KLHL29: variants seen among roughly 807,000 people sequenced by gnomAD.
The protein encoded by KLHL29 is kelch like family member 29.
KLHL29 carries 21 observed loss-of-function variants against 80.4 expected under a neutral mutation model. That is an observed-to-expected ratio of 0.26 (90% confidence interval 0.19 to 0.38). KLHL29 has a LOEUF of 0.38. Ranked by LOEUF, KLHL29 falls within the 10% of genes least tolerant of loss-of-function variation. KLHL29 has a pLI of 1.00. For synonymous variants in KLHL29, 511 were observed against 526.8 expected (o/e 0.97, Z 0.41); for missense variants, 867 against 1,223.9 (o/e 0.71, Z 4.35).
chr2:23,662,057 A>G (rs1670423398), intron 5 of KLHL29, among the ~76,000 whole-genome samples: 1 of 152,230 alleles, frequency 6.6e-6, no homozygotes, highest in Admixed American at 6.5e-5. Flanking sequence ...GTACTGAAGC[A>G]CAAGCTCCAG....
At chr2:23,659,633 A>T (rs1670349249) in intron 5 of KLHL29, among the ~76,000 whole-genome samples, 1 of 152,086 alleles carries the variant, frequency 6.6e-6, no homozygotes, top group Non-Finnish European at 1.5e-5. Context: ...CTGTTTCCCC[A>T]TTTGGAAAAT....
chr2:23,435,728 A>G (rs1258213557), intron 1 of KLHL29, among the ~76,000 whole-genome samples: 1 of 152,184 alleles, frequency 6.6e-6, no homozygotes, highest in Non-Finnish European at 1.5e-5. Flanking sequence ...GAAGTAGAAC[A>G]TATTGTAAGC....
chr2:23,493,871 G>A (rs898337305), intron 2 of KLHL29, among the ~76,000 whole-genome samples: 4 of 152,176 alleles, frequency 2.6e-5, no homozygotes, highest in African/African-American at 9.7e-5. Flanking sequence ...AATTGAAATC[G>A]AGCTGAGTAA....
At position 23,586,944 on chromosome 2, in the gene KLHL29, C is replaced by T. The variant is rs542838997; in HGVS notation, c.285+24463C>T. ...GCAAGCCTCAGCGACATTTGTTGGCCGGAAGGATATAAAAACCAGTCATTC... is the reference window on the plus strand; with the variant it reads ...GCAAGCCTCAGCGACATTTGTTGGCTGGAAGGATATAAAAACCAGTCATTC... On this transcript the variant is annotated intron_variant, in intron 3 of 13. Transcript: ENST00000486442. Among the ~76,000 whole-genome samples, 15 of 152,228 alleles carry T rather than the reference C, an allele frequency of 9.9e-5. No individual in the cohort carries two copies. In the South Asian group the frequency reaches 1.9e-3, roughly 19 times the overall value.
intron 3 of KLHL29, among the ~76,000 whole-genome samples, chr2:23,631,512 C>T (rs968480563): frequency 6.6e-6 from 1 of 151,942 alleles, no homozygotes; most frequent in Admixed American, 6.5e-5. Context: ...CATCAGGCAC[C>T]GGAGCGCATT....
At chr2:23,512,080 C>A (rs1038648969) in intron 2 of KLHL29, among the ~76,000 whole-genome samples, 1 of 152,190 alleles carries the variant, frequency 6.6e-6, no homozygotes, top group Non-Finnish European at 1.5e-5. Flanking sequence ...TGGAACTGCA[C>A]TTCCACTTAC....
At chr2:23,438,934 G>A (rs188051165) in intron 1 of KLHL29, among the ~76,000 whole-genome samples, 58 of 140,918 alleles carry the variant, frequency 4.1e-4, no homozygotes, top group Non-Finnish European at 7.6e-4. Flanking sequence ...TGAATCCATC[G>A]GGTCCTGGAC....
intron 3 of KLHL29, among the ~76,000 whole-genome samples, chr2:23,568,772 C>T (rs1385184010): frequency 1.3e-5 from 2 of 152,204 alleles, no homozygotes; most frequent in Admixed American, 6.5e-5. Context: ...ATCATTTTTG[C>T]AATCTACCCA....
intron 5 of KLHL29, chr2:23,643,072 C>T (rs376487671): frequency 2.0e-4 from 141 of 691,350 alleles, no homozygotes; most frequent in African/African-American, 1.3e-3. Context: ...TGGGAAAATG[C>T]GCCGGGGTAA....
chr2:23,559,242 G>A lies in KLHL29; in HGVS notation c.-45-2910G>A, dbSNP rs147568760. On this transcript the variant is annotated intron_variant, in intron 2 of 13. Coordinates refer to ENST00000486442, the MANE Select transcript of KLHL29 (RefSeq NM_052920.2). ...TGGGCCATGGTCTCTGGGGTAGGAC[G>A]GGATGAATGAGAGGGGATGCTAGAA... Among the ~76,000 whole-genome samples, 117 of 152,312 alleles carry A rather than the reference G, an allele frequency of 7.7e-4. 1 individual carries two copies. The highest frequency in any genetic ancestry group is 2.7e-3 in the African/African-American group (111 of 41,546).
intron 5 of KLHL29, among the ~76,000 whole-genome samples, chr2:23,651,575 C>G (rs1165294478): frequency 6.6e-6 from 1 of 152,208 alleles, no homozygotes; most frequent in Non-Finnish European, 1.5e-5. Context: ...AAAGGAACAC[C>G]AGGTGACAGG....
Position 23,550,517 on chromosome 2 carries a change from G to A in KLHL29, c.-45-11635G>A, listed in dbSNP as rs373746103. On this transcript the variant is annotated intron_variant, in intron 2 of 13. Transcript: ENST00000486442. ...AGGGATGTTAATGTCCCCGGCCCTCGGAGCAATTCCGCAGCCGTCAACCCA... is the reference window on the plus strand; with the variant it reads ...AGGGATGTTAATGTCCCCGGCCCTCAGAGCAATTCCGCAGCCGTCAACCCA... Among the ~76,000 whole-genome samples, 15 of 152,278 alleles carry A rather than the reference G, an allele frequency of 9.9e-5. No individual in the cohort carries two copies. In the East Asian group the frequency reaches 1.7e-3, roughly 18 times the overall value.
chr2:23,608,719 T>C (rs113212321), intron 3 of KLHL29, among the ~76,000 whole-genome samples: 206 of 152,260 alleles, frequency 1.4e-3, no homozygotes, highest in African/African-American at 4.5e-3. Flanking sequence ...ACCAAACCCA[T>C]TGGGGGAGGC....
At chr2:23,435,810 G>A (rs1425995081) in intron 1 of KLHL29, among the ~76,000 whole-genome samples, 4 of 151,996 alleles carry the variant, frequency 2.6e-5, no homozygotes, top group Non-Finnish European at 5.9e-5. Context: ...GGCCTGGTGA[G>A]GTGTTTGGAA....
At chr2:23,589,589 G>A (rs577127465) in intron 3 of KLHL29, among the ~76,000 whole-genome samples, 1 of 152,336 alleles carries the variant, frequency 6.6e-6, no homozygotes, top group South Asian at 2.1e-4. Flanking sequence ...TTGGCCCCAG[G>A]ACCCCAGAGA....
chr2:23,489,655 G>A (rs1211434642), intron 2 of KLHL29, among the ~76,000 whole-genome samples: 1 of 151,948 alleles, frequency 6.6e-6, no homozygotes, highest in African/African-American at 2.4e-5. Flanking sequence ...CTGGGATGGG[G>A]GCATGGTGGT....
chr2:23,529,374 CA>C (rs1386487632), intron 2 of KLHL29, among the ~76,000 whole-genome samples: 2 of 152,216 alleles, frequency 1.3e-5, no homozygotes, highest in African/African-American at 4.8e-5. Context: ...CTCAGCCTCC[CA>C]AGGCACTGGG....
intron 1 of KLHL29, among the ~76,000 whole-genome samples, chr2:23,464,928 A>G (rs1664305659): frequency 6.6e-6 from 1 of 152,226 alleles, no homozygotes; most frequent in East Asian, 1.9e-4. Context: ...CATTCTGAGC[A>G]TGTATCTATG....
chr2:23,658,843 G>T (rs555913546), intron 5 of KLHL29, among the ~76,000 whole-genome samples: 12 of 152,340 alleles, frequency 7.9e-5, no homozygotes, highest in African/African-American at 2.6e-4. Context: ...CAGAGGGCCT[G>T]GGAACCAGGT....
Sources: allele counts gnomAD v4.1 joint callset (sites outside exome capture counted in the v4.1 genomes callset), GRCh38; gene constraint gnomAD v4.1.1; transcripts MANE v1.5; gene names NCBI Gene and HGNC (gene_info 2026-07-23, HGNC 2026-07-21).